DNASE1: variants seen among roughly 807,000 people sequenced by gnomAD.
DNASE1 encodes the protein deoxyribonuclease-1.
Under a neutral mutation model 33.9 loss-of-function variants are expected in DNASE1, and 40 were observed. The ratio of observed to expected loss-of-function variants is 1.18; its 90% confidence interval spans 0.92 to 1.54. The LOEUF (loss-of-function observed/expected upper bound fraction) is 1.54, where lower values mean the gene tolerates loss of function less well. Among genes scored for constraint, DNASE1 ranks in the 40% most tolerant of loss-of-function variants. The pLI, the probability that DNASE1 is intolerant of heterozygous loss-of-function variation, is 0.00. For missense variants in DNASE1, 518 were observed against 372.6 expected (o/e 1.39, Z -3.21); for synonymous variants, 216 against 160.0 (o/e 1.35, Z -2.64).
intron 1 of DNASE1, among the ~76,000 whole-genome samples, chr16:3,633,804 A>G (rs1469690676): frequency 6.6e-6 from 1 of 151,852 alleles, no homozygotes; most frequent in Non-Finnish European, 1.5e-5. Context: ...AAGCGAAATT[A>G]TTATTTTTAT....
intron 1 of DNASE1, among the ~76,000 whole-genome samples, chr16:3,637,666 C>G (rs747186751): frequency 1.4e-4 from 22 of 152,186 alleles, no homozygotes; most frequent in Non-Finnish European, 3.1e-4. Flanking sequence ...TTGTTAAGAA[C>G]AGGAAGCTCT....
At chr16:3,621,806 A>G (rs2041323866) in intron 1 of DNASE1, among the ~76,000 whole-genome samples, 3 of 152,208 alleles carry the variant, frequency 2.0e-5, no homozygotes, top group Admixed American at 2.0e-4. Context: ...ATACTTGTAT[A>G]TACTTTTATG....
intron 1 of DNASE1, among the ~76,000 whole-genome samples, chr16:3,617,669 T>C (rs1437166152): frequency 6.6e-6 from 1 of 152,110 alleles, no homozygotes; most frequent in Non-Finnish European, 1.5e-5. Context: ...CTTGTGGCCA[T>C]GTGTGGTGGC....
downstream of DNASE1, chr16:3,662,997 G>A: frequency 6.4e-7 from 1 of 1,552,694 alleles, no homozygotes. Flanking sequence ...AGGGAGCTCA[G>A]GCCTGCATCC....
chr16:3,644,303 CT>C (rs1440715637), intron 1 of DNASE1, among the ~76,000 whole-genome samples: 1 of 151,950 alleles, frequency 6.6e-6, no homozygotes, highest in Non-Finnish European at 1.5e-5. Context: ...TGGCTGACAC[CT>C]GTAATCGCAG....
exon 10 of DNASE1, chr16:3,663,323 G>A: frequency 6.6e-7 from 1 of 1,509,226 alleles, no homozygotes; most frequent in Non-Finnish European, 9.0e-7. Context: ...GCTGAGCCCA[G>A]GTCAACTGAC....
chr16:3,658,419 C>T (rs1367352340), downstream of DNASE1: 17 of 610,372 alleles, frequency 2.8e-5, no homozygotes, highest in Non-Finnish European at 4.6e-5. Context: ...CACGCCTGGC[C>T]ATTTTTCCGT....
upstream of DNASE1, chr16:3,651,452 C>T (rs1175078201): frequency 6.6e-6 from 1 of 152,186 alleles, no homozygotes; most frequent in Non-Finnish European, 1.5e-5. Flanking sequence ...TGTGAAAATC[C>T]CAGAAGGGCT....
rs1038827815 is a variant in DNASE1 at position 3,648,555 on chromosome 16, C to G, written c.-86+5519C>G. On this transcript the variant is annotated intron_variant, in intron 1 of 9. Coordinates refer to the DNASE1 transcript ENST00000407479. ...AGCTCGCGTGAACCCCAGAGGCAGG[C>G]TGCAGTGCAGAGCCAAGATCGCGCC... 3.9e-5 allele frequency among the ~76,000 whole-genome samples: 6 copies of G among 152,244 alleles called. No individual in the cohort carries two copies. In the East Asian group the frequency reaches 5.8e-4, roughly 15 times the overall value.
chr16:3,642,332 G>C (rs2042047417), upstream of DNASE1, among the ~76,000 whole-genome samples: 1 of 152,220 alleles, frequency 6.6e-6, no homozygotes, highest in African/African-American at 2.4e-5. Context: ...GTCACCCGTA[G>C]TTACTCCACC....
intron 1 of DNASE1, among the ~76,000 whole-genome samples, chr16:3,633,664 A>T (rs112270858): frequency 6.6e-6 from 1 of 152,048 alleles, no homozygotes; most frequent in Non-Finnish European, 1.5e-5. Context: ...TACAGTTACA[A>T]CTAATCCAAT....
chr16:3,648,079 A>T (rs896503833), intron 1 of DNASE1, among the ~76,000 whole-genome samples: 1 of 152,106 alleles, frequency 6.6e-6, no homozygotes, highest in African/African-American at 2.4e-5. Context: ...GAGGGAGGAG[A>T]ATTGCTCAAA....
chr16:3,638,623 C>A (rs1341912427), upstream of DNASE1, among the ~76,000 whole-genome samples: 1 of 152,262 alleles, frequency 6.6e-6, no homozygotes, highest in African/African-American at 2.4e-5. Flanking sequence ...CAGGCGTGAG[C>A]CACCACGCCC....
upstream of DNASE1, chr16:3,651,509 C>G (rs1037172712): frequency 6.6e-6 from 1 of 152,246 alleles, no homozygotes; most frequent in Non-Finnish European, 1.5e-5. Flanking sequence ...AGAGTGGGGC[C>G]CAGCATGGGA....
chr16:3,654,511 G>A (rs547135866), upstream of DNASE1: 13 of 398,538 alleles, frequency 3.3e-5, no homozygotes, highest in Admixed American at 5.7e-4. Flanking sequence ...AAGTGACCTT[G>A]GGGCCCCCAG....
rs55645773 is a variant in DNASE1, at chr16:3,637,123, C to CAAAAA, written c.-1358-3586_-1358-3582dup. On this transcript the variant is annotated intron_variant and NMD_transcript_variant, in intron 1 of 11. Coordinates refer to the DNASE1 transcript ENST00000570769. Reference sequence around the variant, plus strand: ...TGGGTGACAGAATGAGACTCCATCTCAAAAAAAAAAGAAAAGAAAAGGAAG... The same window carrying CAAAAA: ...TGGGTGACAGAATGAGACTCCATCTCAAAAAAAAAAAAAAAGAAAAGAAAAGGAAG... Among the ~76,000 whole-genome samples the CAAAAA allele has an allele frequency of 1.4e-5, 2 of 144,290 alleles. 1 individual carries two copies. Among genetic ancestry groups the CAAAAA allele is most frequent in the Non-Finnish European group, 3.0e-5 (2 of 65,744 alleles). The allele number at this position is 144,290 out of a possible 152,430, so 94.7% of individuals were successfully genotyped here.
chr16:3,652,757 AT>A (rs2042377129), upstream of DNASE1: 2 of 152,334 alleles, frequency 1.3e-5, no homozygotes, highest in Non-Finnish European at 2.9e-5. Context: ...CTTCTGCTTC[AT>A]GGCCAGCTGG....
In DNASE1 at chr16:3,655,912, G is replaced by A. The variant is rs942594189; in HGVS notation, c.211G>A (p.Gly71Arg). 3.1e-6 allele frequency: 5 copies of A among 1,614,020 alleles called. No individual in the cohort carries two copies. Among genetic ancestry groups the A allele is most frequent in the Non-Finnish European group, 4.2e-6 (5 of 1,180,008 alleles). The change falls in exon 3 of 9, where the codon GGG (glycine) becomes AGG (arginine). Residue 71 changes from glycine to arginine, a missense_variant. Transcript: ENST00000246949. ...EVRDSHLTAVGKLLDNLNQDA... is the reference protein window; with the variant it reads ...EVRDSHLTAVRKLLDNLNQDA... ...CAGAGACAGCCACCTGACTGCCGTG[G>A]GGAAGCTGCTGGACAACCTCAATCA...
intron 1 of DNASE1, among the ~76,000 whole-genome samples, chr16:3,634,606 C>A (rs1203508978): frequency 6.6e-6 from 1 of 152,066 alleles, no homozygotes; most frequent in Non-Finnish European, 1.5e-5. Flanking sequence ...AACTCCAGGG[C>A]TCAAATGATC....
Sources: allele counts gnomAD v4.1 joint callset (sites outside exome capture counted in the v4.1 genomes callset), GRCh38; gene constraint gnomAD v4.1.1; transcripts MANE v1.5; gene names NCBI Gene and HGNC (gene_info 2026-07-23, HGNC 2026-07-21).